Variants in CALCRL observed in about 807,000 individuals in gnomAD.
The protein encoded by CALCRL is calcitonin gene-related peptide type 1 receptor.
Under a neutral mutation model 60.4 loss-of-function variants are expected in CALCRL, and 27 were observed. That is an observed-to-expected ratio of 0.45 (90% CI 0.33 to 0.62). The LOEUF (loss-of-function observed/expected upper bound fraction) is 0.62, where lower values mean the gene tolerates loss of function less well. CALCRL is among the 20% of genes least tolerant of loss of function. The pLI, the probability that CALCRL is intolerant of heterozygous loss-of-function variation, is 0.03. For synonymous variants in CALCRL, 190 were observed against 182.6 expected, an observed-to-expected ratio of 1.04 and a Z score of -0.33; for missense variants, 424 against 540.7, an observed-to-expected ratio of 0.78 and a Z score of 2.14.
At position 187,389,019 on chromosome 2, in the gene CALCRL, A is replaced by G. The variant is rs533173566; in HGVS notation, c.-292-1263T>C. On this transcript the variant is annotated intron_variant, in intron 1 of 14. Coordinates refer to ENST00000392370, the MANE Select transcript of CALCRL (RefSeq NM_005795.6). ...TTTCTGATGGGCTAATTTCTTTCTC[A>G]TTGTCTGCACTTTATAAATATATCA... Among the ~76,000 whole-genome samples, 26 of 150,068 alleles carry G rather than the reference A, an allele frequency of 1.7e-4. No homozygotes were observed. In the South Asian group the frequency reaches 5.1e-3, roughly 29 times the overall value.
intron 8 of CALCRL, among the ~76,000 whole-genome samples, chr2:187,374,360 A>G (rs1298148902): frequency 6.6e-6 from 1 of 152,218 alleles, no homozygotes; most frequent in Non-Finnish European, 1.5e-5. Context: ...TCATTTTTAA[A>G]GATTTGTAGA....
At chr2:187,383,594 T>TA (rs1688075579) in intron 4 of CALCRL, among the ~76,000 whole-genome samples, 1 of 152,148 alleles carries the variant, frequency 6.6e-6, no homozygotes, top group South Asian at 2.1e-4. Context: ...CATTCCTTAA[T>TA]ATGTGTTTTG....
At chr2:187,416,064 G>A (rs912839679) in intron 1 of CALCRL, among the ~76,000 whole-genome samples, 1 of 152,032 alleles carries the variant, frequency 6.6e-6, no homozygotes, top group Non-Finnish European at 1.5e-5. Flanking sequence ...AATAATACAG[G>A]TATAAAGTAT....
intron 12 of CALCRL, 63 bp downstream of exon 12, chr2:187,359,000 A>T: frequency 1.5e-6 from 2 of 1,310,432 alleles, no homozygotes; most frequent in Non-Finnish European, 2.2e-6. Context: ...ACCATAGGCC[A>T]GATGATTCAG....
intron 14 of CALCRL, 25 bp from the exon 15 acceptor site, chr2:187,346,424 A>C (rs1686276791): frequency 4.6e-6 from 7 of 1,509,982 alleles, no homozygotes; most frequent in Non-Finnish European, 6.4e-6. Context: ...GAAAACAGAA[A>C]GAACAAGAAC....
At chr2:187,429,452 G>A (rs1574317165) in intron 1 of CALCRL, among the ~76,000 whole-genome samples, 1 of 152,298 alleles carries the variant, frequency 6.6e-6, no homozygotes. Context: ...ACAGAAATTA[G>A]GAGTTCAGGA....
At chr2:187,421,555 A>G (rs1455172448) in intron 1 of CALCRL, among the ~76,000 whole-genome samples, 1 of 152,124 alleles carries the variant, frequency 6.6e-6, no homozygotes, top group East Asian at 1.9e-4. Context: ...TACTCTTGCT[A>G]CTATGTACTA....
At chr2:187,389,880 G>A (rs1422047234) in intron 1 of CALCRL, among the ~76,000 whole-genome samples, 1 of 152,046 alleles carries the variant, frequency 6.6e-6, no homozygotes, top group African/African-American at 2.4e-5. Context: ...TTCCCTTGCA[G>A]ATATGGTTTC....
intron 1 of CALCRL, among the ~76,000 whole-genome samples, chr2:187,441,299 A>G (rs1024849450): frequency 6.6e-6 from 1 of 152,014 alleles, no homozygotes; most frequent in Non-Finnish European, 1.5e-5. Flanking sequence ...TATTTGATTT[A>G]TCTAATTTTT....
intron 1 of CALCRL, among the ~76,000 whole-genome samples, chr2:187,406,187 C>A (rs201216395): frequency 4.9e-4 from 70 of 143,332 alleles, no homozygotes; most frequent in East Asian, 1.0e-3. Flanking sequence ...CAAACACAAC[C>A]AAAAAAAAAA....
chr2:187,404,509 T>A (rs1486446423), intron 1 of CALCRL, among the ~76,000 whole-genome samples: 4 of 151,686 alleles, frequency 2.6e-5, no homozygotes, highest in African/African-American at 4.8e-5. Flanking sequence ...TATTTATTTT[T>A]TTTTTTTGTA....
intron 1 of CALCRL, among the ~76,000 whole-genome samples, chr2:187,438,269 A>G (rs1690735281): frequency 6.6e-6 from 1 of 152,206 alleles, no homozygotes; most frequent in Non-Finnish European, 1.5e-5. Context: ...AATCACAAAT[A>G]TGTATTTCAA....
chr2:187,348,691 GT>G (rs1686394641), intron 14 of CALCRL, among the ~76,000 whole-genome samples: 1 of 151,606 alleles, frequency 6.6e-6, no homozygotes. Context: ...TCTTACTATA[GT>G]TAAAAATAAA....
chr2:187,347,139 G>A (rs146900699), intron 14 of CALCRL, among the ~76,000 whole-genome samples: 2,182 of 151,810 alleles, frequency 0.014, 22 homozygotes, highest in Non-Finnish European at 0.023. Context: ...GGGTAGGTGG[G>A]TCCTATACAG....
chr2:187,395,941 T>G (rs1406546271), intron 1 of CALCRL, among the ~76,000 whole-genome samples: 1 of 151,584 alleles, frequency 6.6e-6, no homozygotes, highest in African/African-American at 2.4e-5. Context: ...AAGAAAAAAA[T>G]GATTGTTATA....
intron 1 of CALCRL, among the ~76,000 whole-genome samples, chr2:187,404,964 C>CT (rs1370564059): frequency 3.3e-5 from 5 of 151,966 alleles, no homozygotes; most frequent in African/African-American, 9.7e-5. Context: ...CGGAGCGACT[C>CT]TGAGTTTGGA....
At chr2:187,413,586 T>C (rs976536666) in intron 1 of CALCRL, among the ~76,000 whole-genome samples, 1 of 152,158 alleles carries the variant, frequency 6.6e-6, no homozygotes, top group African/African-American at 2.4e-5. Flanking sequence ...ACGATAGAAA[T>C]GATTCTTTCA....
chr2:187,447,685 G>A (rs1691256535), intron 1 of CALCRL, among the ~76,000 whole-genome samples: 1 of 151,946 alleles, frequency 6.6e-6, no homozygotes, highest in Non-Finnish European at 1.5e-5. Context: ...TCCGGGGGGA[G>A]AAATGTTTTC....
intron 1 of CALCRL, among the ~76,000 whole-genome samples, chr2:187,402,683 C>CT (rs1464294248): frequency 1.3e-5 from 2 of 151,702 alleles, no homozygotes; most frequent in Non-Finnish European, 2.9e-5. Flanking sequence ...AACTGCTACA[C>CT]TGAGCAATGT....
Sources: gnomAD v4.1 joint callset for allele counts (sites outside exome capture counted in the v4.1 genomes callset) on GRCh38, gnomAD v4.1.1 for gene constraint, MANE v1.5 for transcripts, NCBI Gene and HGNC (gene_info 2026-07-23, HGNC 2026-07-21) for gene names.